ARMH3: variants seen among roughly 807,000 people sequenced by gnomAD.
The protein encoded by ARMH3 is armadillo-like helical domain-containing protein 3.
A neutral mutation model predicts 99.1 loss-of-function variants in ARMH3; 60 were observed. That is an observed-to-expected ratio of 0.61 (90% confidence interval 0.49 to 0.75). ARMH3 has a LOEUF of 0.75. Ranked by LOEUF, ARMH3 falls within the 30% of genes least tolerant of loss-of-function variation. The pLI, the probability that ARMH3 is intolerant of heterozygous loss-of-function variation, is 0.00. For synonymous variants in ARMH3, 285 were observed against 292.8 expected (o/e 0.97, Z 0.27); for missense variants, 679 against 843.1 (o/e 0.81, Z 2.41).
intron 20 of ARMH3, among the ~76,000 whole-genome samples, chr10:101,962,796 C>T (rs796148620): frequency 6.6e-6 from 1 of 152,110 alleles, no homozygotes; most frequent in South Asian, 2.1e-4. Context: ...TGTATTGGAT[C>T]CACCCAAACT....
intron 18 of ARMH3, among the ~76,000 whole-genome samples, chr10:101,991,567 G>C (rs775681733): frequency 1.3e-5 from 2 of 152,168 alleles, no homozygotes; most frequent in Non-Finnish European, 2.9e-5. Context: ...TTTCAGTACA[G>C]ACAGGTTTTC....
intron 1 of ARMH3, 67 bp from the exon 2 acceptor site, chr10:102,040,192 A>G (rs1336987331): frequency 1.5e-6 from 2 of 1,291,922 alleles, no homozygotes; most frequent in Admixed American, 1.7e-5. Flanking sequence ...TGGCAGATAT[A>G]TGTCATACAT....
intron 19 of ARMH3, among the ~76,000 whole-genome samples, chr10:101,985,421 T>C (rs1011100676): frequency 6.6e-6 from 1 of 151,654 alleles, no homozygotes; most frequent in East Asian, 1.9e-4. Flanking sequence ...TGTGCATATA[T>C]ATATACTGGA....
chr10:102,038,528 ATTAT>A (rs1325559671), intron 2 of ARMH3, among the ~76,000 whole-genome samples: 5 of 152,220 alleles, frequency 3.3e-5, no homozygotes, highest in Admixed American at 1.3e-4. Context: ...AGTGGACTGA[ATTAT>A]TTATTCTTAG....
chr10:102,010,547 T>C (rs983030534), intron 11 of ARMH3, among the ~76,000 whole-genome samples: 1 of 152,226 alleles, frequency 6.6e-6, no homozygotes, highest in African/African-American at 2.4e-5. Flanking sequence ...ACAAAATCTT[T>C]AGTTTGTGTC....
At chr10:101,992,097 GC>G in intron 17 of ARMH3, 59 bp from the exon 18 acceptor site, 1 of 1,343,278 alleles carries the variant, frequency 7.4e-7, no homozygotes, top group Non-Finnish European at 1.1e-6. Context: ...ACATCCAATG[GC>G]CCATCATCAT....
chr10:102,009,896 G>GGTAA (rs2066593182), intron 12 of ARMH3, 81 bp downstream of exon 12: 1 of 1,311,552 alleles, frequency 7.6e-7, no homozygotes, highest in Admixed American at 2.0e-5. Flanking sequence ...ATTAGCAAGA[G>GGTAA]GTAACACTGC....
intron 22 of ARMH3, among the ~76,000 whole-genome samples, chr10:101,950,201 A>C (rs1250722721): frequency 1.3e-5 from 2 of 152,202 alleles, no homozygotes. Context: ...TTCACATACA[A>C]CATGAATGTC....
chr10:101,942,729 C>T (rs12250722), intron 22 of ARMH3, among the ~76,000 whole-genome samples: 1,570 of 152,014 alleles, frequency 0.01, 30 homozygotes, highest in African/African-American at 0.032. Flanking sequence ...AGCTGGGTGC[C>T]GTGGCACATG....
chr10:102,037,750 C>T (rs1261684508), intron 2 of ARMH3, among the ~76,000 whole-genome samples: 1 of 151,940 alleles, frequency 6.6e-6, no homozygotes, highest in Non-Finnish European at 1.5e-5. Context: ...CATACCACTA[C>T]ACCCACTTAA....
intron 23 of ARMH3, among the ~76,000 whole-genome samples, chr10:101,892,224 T>A (rs1418762577): frequency 2.0e-5 from 3 of 151,784 alleles, no homozygotes; most frequent in Non-Finnish European, 4.4e-5. Flanking sequence ...GTGGGCGGAT[T>A]ACTTGAACCC....
intron 4 of ARMH3, 97 bp from the exon 5 acceptor site, chr10:102,029,842 A>C: frequency 8.3e-7 from 1 of 1,199,622 alleles, no homozygotes; most frequent in Non-Finnish European, 1.2e-6. Context: ...ACACTGAATA[A>C]ATTCAATTTC....
At chr10:102,010,883 T>C (rs1207235358) in intron 11 of ARMH3, among the ~76,000 whole-genome samples, 1 of 152,162 alleles carries the variant, frequency 6.6e-6, no homozygotes, top group East Asian at 1.9e-4. Flanking sequence ...ATCAGGCCCC[T>C]TCCTGAGAAC....
intron 1 of ARMH3, among the ~76,000 whole-genome samples, chr10:102,046,306 AAGAGAGAAAAG>A (rs1403258407): frequency 2.6e-5 from 4 of 151,494 alleles, no homozygotes; most frequent in African/African-American, 7.3e-5. Context: ...GAAAGAGAGA[AAGAGAGAAAAG>A]AGAGAGAAAG....
At chr10:101,999,634 G>A (rs530158887) in intron 15 of ARMH3, among the ~76,000 whole-genome samples, 1 of 152,094 alleles carries the variant, frequency 6.6e-6, no homozygotes, top group Admixed American at 6.5e-5. Flanking sequence ...ACTGAAATAG[G>A]GACTAAATAT....
intron 1 of ARMH3, among the ~76,000 whole-genome samples, chr10:102,041,090 AATATAT>A (rs59124276): frequency 2.3e-5 from 3 of 132,642 alleles, no homozygotes; most frequent in African/African-American, 8.1e-5. Context: ...ATATATATAT[AATATAT>A]ATATATATAT....
chr10:101,894,441 G>C (rs1047833138), intron 23 of ARMH3, among the ~76,000 whole-genome samples: 7 of 152,182 alleles, frequency 4.6e-5, no homozygotes, highest in African/African-American at 1.7e-4. Context: ...ACACACCTTT[G>C]CAGTAACTGA....
chr10:101,946,071 C>CAAAAAAAAAAAAAAAAAA (rs569179050), intron 22 of ARMH3, among the ~76,000 whole-genome samples: 8 of 34,486 alleles, frequency 2.3e-4, no homozygotes, highest in African/African-American at 1.7e-3. Context: ...GACTCTGCCT[C>CAAAAAAAAAAAAAAAAAA]AAAAAAAAAA....
At chr10:101,971,648 A>T (rs1017039929) in intron 20 of ARMH3, among the ~76,000 whole-genome samples, 2 of 152,252 alleles carry the variant, frequency 1.3e-5, no homozygotes, top group African/African-American at 4.8e-5. Context: ...TAAAATTAAG[A>T]CAGAGGTTTT....
Sources: allele counts gnomAD v4.1 joint callset (sites outside exome capture counted in the v4.1 genomes callset), GRCh38; gene constraint gnomAD v4.1.1; transcripts MANE v1.5; gene names NCBI Gene and HGNC (gene_info 2026-07-23, HGNC 2026-07-21).